SYT14: variants seen among roughly 807,000 people sequenced by gnomAD.
The protein encoded by SYT14 is synaptotagmin 14.
In SYT14, 32 loss-of-function variants were observed where a neutral mutation model predicts 74.2. The ratio of observed to expected loss-of-function variants is 0.43; its 90% CI spans 0.33 to 0.58. The LOEUF (loss-of-function observed/expected upper bound fraction) is 0.58, where lower values mean the gene tolerates loss of function less well. Ranked by LOEUF, SYT14 falls within the 20% of genes least tolerant of loss-of-function variation. SYT14 has a pLI of 0.05. For synonymous variants in SYT14, 298 were observed against 337.7 expected, an observed-to-expected ratio of 0.88 and a Z score of 1.29; for missense variants, 791 against 981.8, an observed-to-expected ratio of 0.81 and a Z score of 2.60.
At chr1:210,085,890 A>G (rs556975772) in intron 5 of SYT14, among the ~76,000 whole-genome samples, 1 of 152,242 alleles carries the variant, frequency 6.6e-6, no homozygotes, top group African/African-American at 2.4e-5. Context: ...CAAGGTTATT[A>G]TGGCCTCATA....
chr1:210,139,022 A>G (rs1015206748), intron 7 of SYT14, among the ~76,000 whole-genome samples: 2 of 152,052 alleles, frequency 1.3e-5, no homozygotes, highest in African/African-American at 4.8e-5. Context: ...TACTAATACA[A>G]TGCTATACTT....
In SYT14 at chr1:210,057,922, A is replaced by C. The variant is rs184925747; in HGVS notation, c.1313-36400A>C. On this transcript the variant is annotated intron_variant, in intron 5 of 9. Transcript: ENST00000637265. ...CCATCTCTCAGAATATACAGAACACATAAACTTTCTCTCCCTGTGTGTTCT... is the reference window on the plus strand; with the variant it reads ...CCATCTCTCAGAATATACAGAACACCTAAACTTTCTCTCCCTGTGTGTTCT... Among the ~76,000 whole-genome samples the C allele has an allele frequency of 5.9e-5, 9 of 152,344 alleles. No individual in the cohort carries two copies. The East Asian group carries it at 9.6e-4, about 16-fold the overall frequency.
intron 5 of SYT14, among the ~76,000 whole-genome samples, chr1:210,064,102 G>A (rs1265110981): frequency 6.6e-6 from 1 of 151,856 alleles, no homozygotes; most frequent in Non-Finnish European, 1.5e-5. Context: ...TATATACGCA[G>A]CATACAATTT....
At chr1:210,133,548 A>G (rs1342097564) in intron 7 of SYT14, among the ~76,000 whole-genome samples, 3 of 152,200 alleles carry the variant, frequency 2.0e-5, no homozygotes, top group Non-Finnish European at 4.4e-5. Context: ...TGGTGCCAGT[A>G]ATGGTGAATC....
At chr1:210,139,497 AG>A (rs1383538918) in intron 7 of SYT14, among the ~76,000 whole-genome samples, 1 of 152,048 alleles carries the variant, frequency 6.6e-6, no homozygotes, top group African/African-American at 2.4e-5. Flanking sequence ...ATAACTATTG[AG>A]ACATGATTCA....
intron 7 of SYT14, among the ~76,000 whole-genome samples, chr1:210,123,265 CT>C (rs1406842815): frequency 2.6e-5 from 4 of 151,994 alleles, no homozygotes; most frequent in Non-Finnish European, 1.5e-5. Context: ...CCCATGAAGT[CT>C]AAATAGCTGG....
chr1:210,131,947 C>T (rs1274609430), intron 7 of SYT14, among the ~76,000 whole-genome samples: 2 of 151,398 alleles, frequency 1.3e-5, no homozygotes, highest in Non-Finnish European at 2.9e-5. Flanking sequence ...AGCCTCATAC[C>T]AGGCTGGCCC....
chr1:210,100,383 G>C, exon 7 of SYT14: 1 of 1,613,674 alleles, frequency 6.2e-7, no homozygotes, highest in South Asian at 1.1e-5. Flanking sequence ...TGGGGGAAAA[G>C]ATTTTTTATT....
intron 8 of SYT14, among the ~76,000 whole-genome samples, chr1:210,157,482 G>A (rs1012910605): frequency 1.3e-5 from 2 of 150,984 alleles, no homozygotes; most frequent in African/African-American, 2.4e-5. Context: ...GCTCACAAGG[G>A]CCTGTAATCC....
intron 1 of SYT14, among the ~76,000 whole-genome samples, chr1:209,950,804 G>A (rs541296809): frequency 6.6e-6 from 1 of 152,112 alleles, no homozygotes; most frequent in African/African-American, 2.4e-5. Context: ...TTTGTAATAA[G>A]CTTCTATGCT....
At chr1:210,067,014 C>T (rs1191769095) in intron 5 of SYT14, among the ~76,000 whole-genome samples, 5 of 151,960 alleles carry the variant, frequency 3.3e-5, no homozygotes, top group South Asian at 2.1e-4. Flanking sequence ...GGTCTAATTT[C>T]ATTCTTTTGC....
intron 5 of SYT14, among the ~76,000 whole-genome samples, chr1:210,072,132 G>GATAT (rs34290398): frequency 0.021 from 3,090 of 146,234 alleles, 39 homozygotes; most frequent in South Asian, 0.05. Context: ...GTTAATTAAA[G>GATAT]ATATATATAT....
intron 1 of SYT14, among the ~76,000 whole-genome samples, chr1:209,947,663 A>G (rs1194612040): frequency 4.6e-5 from 7 of 152,250 alleles, no homozygotes; most frequent in African/African-American, 7.2e-5. Context: ...GGAATGACAA[A>G]GGGTTTAGAA....
intron 5 of SYT14, among the ~76,000 whole-genome samples, chr1:210,058,280 A>G (rs1286469481): frequency 6.6e-6 from 1 of 152,148 alleles, no homozygotes; most frequent in African/African-American, 2.4e-5. Context: ...TCCCACTCCC[A>G]CACCATATCA....
intron 7 of SYT14, among the ~76,000 whole-genome samples, chr1:210,121,431 A>G (rs2082458851): frequency 6.6e-6 from 1 of 152,218 alleles, no homozygotes; most frequent in South Asian, 2.1e-4. Context: ...AGTAGCTAGT[A>G]ATAACTGTTT....
intron 7 of SYT14, among the ~76,000 whole-genome samples, chr1:210,136,776 A>G (rs1327126336): frequency 6.6e-6 from 1 of 152,212 alleles, no homozygotes; most frequent in Non-Finnish European, 1.5e-5. Flanking sequence ...GGCCCAATAA[A>G]TAATAGTGAG....
At chr1:209,953,168 C>T in intron 2 of SYT14, 1 of 1,288,768 alleles carries the variant, frequency 7.8e-7, no homozygotes, top group Non-Finnish European at 1.0e-6. Flanking sequence ...TATCCAAAGA[C>T]CACAACATCC....
intron 7 of SYT14, among the ~76,000 whole-genome samples, chr1:210,114,780 G>A (rs1310243707): frequency 6.6e-6 from 1 of 151,154 alleles, no homozygotes; most frequent in South Asian, 2.1e-4. Context: ...CTGTAAACTG[G>A]ACCAGGTGTG....
intron 6 of SYT14, among the ~76,000 whole-genome samples, chr1:210,096,382 T>A (rs1043424620): frequency 6.6e-6 from 1 of 152,038 alleles, no homozygotes; most frequent in Non-Finnish European, 1.5e-5. Context: ...TGTGTGTGTG[T>A]GAGAGAGAGA....
Sources: gnomAD v4.1 joint callset for allele counts (sites outside exome capture counted in the v4.1 genomes callset) on GRCh38, gnomAD v4.1.1 for gene constraint, MANE v1.5 for transcripts, NCBI Gene and HGNC (gene_info 2026-07-23, HGNC 2026-07-21) for gene names.